Variants in NIN observed in about 807,000 individuals in gnomAD.
The protein encoded by NIN is ninein.
In NIN, 137 loss-of-function variants were observed where a neutral mutation model predicts 257.6. The ratio of observed to expected loss-of-function variants is 0.53; its 90% CI spans 0.46 to 0.61. The LOEUF is 0.61. NIN is among the 20% of genes least tolerant of loss of function. The pLI is 0.00. For synonymous variants in NIN, 918 were observed against 919.8 expected, an observed-to-expected ratio of 1.00 and a Z score of 0.04; for missense variants, 2,439 against 2,501.2, an observed-to-expected ratio of 0.98 and a Z score of 0.53.
Position 50,743,420 on chromosome 14 carries a change from T to TC in NIN, c.5296dup (p.Glu1766GlyfsTer23). Reference sequence around the variant, plus strand: ...AAACAAGAATTGTCCATGTACCTTTTCCTGAGAAGCCACCAGCTGTGACTT... The same window carrying TC: ...AAACAAGAATTGTCCATGTACCTTTTCCCTGAGAAGCCACCAGCTGTGACTT... On this transcript the variant is annotated frameshift_variant, in exon 24 of 31. Transcript: ENST00000530997. LOFTEE classifies it high-confidence loss of function. 2 of 1,600,492 alleles carry TC rather than the reference T, an allele frequency of 1.2e-6. No homozygotes were observed. Among genetic ancestry groups the TC allele is most frequent in the Non-Finnish European group, 1.7e-6 (2 of 1,167,622 alleles).
Position 50,756,906 on chromosome 14 carries a change from G to T in NIN, c.4124C>A (p.Pro1375His). 1 of 1,559,212 alleles carries T rather than the reference G, an allele frequency of 6.4e-7. No homozygotes were observed. Among genetic ancestry groups the T allele is most frequent in the Non-Finnish European group, 8.7e-7 (1 of 1,150,354 alleles). Residue 1375 changes from proline (P) to histidine (H), a missense_variant, in exon 18 of 31, where the codon CCC becomes CAC. Pro to His is a moderately conservative substitution (Grantham distance 77, BLOSUM62 -2). Coordinates refer to ENST00000530997, the MANE Select transcript of NIN (RefSeq NM_020921.4). ...QLNQTLEECV[P>H]RVRSVHHVIE... is the part of the protein sequence containing the mutation. ...GACATGATGTACACTCCTAACCCTGGGCACACACTCTTCCAGTGTCTGATT... is the reference window on the plus strand; with the variant it reads ...GACATGATGTACACTCCTAACCCTGTGCACACACTCTTCCAGTGTCTGATT...
chr14:50,723,825 C>T, intron 30 of NIN, 153 bp from the exon 31 acceptor site: 1 of 643,614 alleles, frequency 1.6e-6, no homozygotes, highest in Admixed American at 3.0e-5. Flanking sequence ...TAACATCAGA[C>T]TTGGCATCAG....
chr14:50,737,523 C>T (rs1392721596), intron 27 of NIN, among the ~76,000 whole-genome samples: 1 of 144,812 alleles, frequency 6.9e-6, no homozygotes, highest in Non-Finnish European at 1.5e-5. Flanking sequence ...AAAAAAAAGC[C>T]CATATTAAGA....
Position 50,766,345 on chromosome 14 carries a change from G to T in NIN, c.1597C>A (p.Leu533Met). The T allele has an allele frequency of 6.2e-7, 1 of 1,614,058 alleles. No homozygotes were observed. Among genetic ancestry groups the T allele is most frequent in the Non-Finnish European group, 8.5e-7 (1 of 1,179,984 alleles). Reference sequence around the variant, plus strand: ...TCATATTCATTTCTCATCTGTGTCAGTCTCTCTTCTTGCAGGAAGAACTCA... The same window carrying T: ...TCATATTCATTTCTCATCTGTGTCATTCTCTCTTCTTGCAGGAAGAACTCA... The part of the protein sequence containing the change: ...SAEFFLQEER[L>M]TQMRNEYERQ... The change falls in exon 14 of 31, where the codon CTG (leucine) becomes ATG (methionine). Residue 533 changes from leucine to methionine, a missense_variant. Leu to Met is a conservative substitution (Grantham distance 15, BLOSUM62 2). Coordinates refer to ENST00000530997, the MANE Select transcript of NIN (RefSeq NM_020921.4).
At chr14:50,739,066 G>C (rs1247157754) in intron 26 of NIN, among the ~76,000 whole-genome samples, 1 of 151,500 alleles carries the variant, frequency 6.6e-6, no homozygotes, top group African/African-American at 2.4e-5. Context: ...TCTATATTTT[G>C]GATATGAAGA....
At position 50,757,041 on chromosome 14, in the gene NIN, CCT is replaced by C; in HGVS notation, c.3987_3988del (p.Gly1330GlnfsTer3). On this transcript the variant is annotated frameshift_variant, in exon 18 of 31. Coordinates refer to ENST00000530997, the MANE Select transcript of NIN (RefSeq NM_020921.4). LOFTEE classifies it high-confidence loss of function. The stretch of plus-strand genomic sequence containing the variant: ...GCTTTCCTGAAGCTTCTCAATCTTG[CCT>C]TGAAGTCTCAAAACCAGAACATTCA... 2 of 1,613,556 alleles carry C rather than the reference CCT, an allele frequency of 1.2e-6. No individual in the cohort carries two copies. The highest frequency in any genetic ancestry group is 1.7e-6 in the Non-Finnish European group (2 of 1,179,814).
In NIN at chr14:50,761,937, C is replaced by G. The variant is rs12883882; in HGVS notation, c.1775-26G>C. On this transcript the variant is annotated intron_variant, in intron 15 of 30. Coordinates refer to ENST00000530997, the MANE Select transcript of NIN (RefSeq NM_020921.4). ...CTGAAAACACATGGGACTCATTGATCCTGCAGCAGGTTCTTTCAATAACAC... is the reference window on the plus strand; with the variant it reads ...CTGAAAACACATGGGACTCATTGATGCTGCAGCAGGTTCTTTCAATAACAC... 383,055 of 1,610,950 alleles carry G rather than the reference C, an allele frequency of 0.24. 47,564 individuals carry two copies. Among genetic ancestry groups the G allele is most frequent in the Non-Finnish European group, 0.25 (297,183 of 1,177,634 alleles).
At chr14:50,775,358 A>G (rs1456701973) in intron 7 of NIN, among the ~76,000 whole-genome samples, 3 of 152,186 alleles carry the variant, frequency 2.0e-5, no homozygotes, top group East Asian at 1.9e-4. Context: ...AGTTACAGGC[A>G]TAAGACAGTG....
In NIN at chr14:50,755,719, C is replaced by A. The variant is rs190552701; in HGVS notation, c.4538+773G>T. Among the ~76,000 whole-genome samples the A allele has an allele frequency of 2.0e-4, 25 of 127,784 alleles. No individual in the cohort carries two copies. The East Asian group carries it at 6.0e-3, about 31-fold the overall frequency. The allele number at this position is 127,784 out of a possible 152,430, so 83.8% of individuals were successfully genotyped here. A position where few individuals can be genotyped will look rare whatever the true frequency, so the allele number is the denominator to read the frequency against. On this transcript the variant is annotated intron_variant, in intron 18 of 30. Transcript: ENST00000530997. ...TCACTCTGTCACCCAGTCTGGAGTA[C>A]AATGGCATGATCATGGCTCACTGCA...
At chr14:50,801,542 C>T (rs748693402) in intron 4 of NIN, among the ~76,000 whole-genome samples, 2 of 152,202 alleles carry the variant, frequency 1.3e-5, no homozygotes, top group African/African-American at 4.8e-5. Context: ...GTAATATCTC[C>T]TAAAATCAGG....
chr14:50,798,177 G>C (rs1465831688), intron 4 of NIN, among the ~76,000 whole-genome samples: 1 of 152,110 alleles, frequency 6.6e-6, no homozygotes, highest in African/African-American at 2.4e-5. Context: ...TTTCCAATTA[G>C]CACCTCCCTC....
intron 25 of NIN, among the ~76,000 whole-genome samples, chr14:50,741,355 C>T (rs770766264): frequency 3.9e-5 from 6 of 152,106 alleles, no homozygotes; most frequent in Non-Finnish European, 7.4e-5. Flanking sequence ...GCAGAGGGTA[C>T]AAAAGTGGTT....
At chr14:50,727,345 A>C in intron 29 of NIN, 1 of 987,224 alleles carries the variant, frequency 1.0e-6, no homozygotes, top group Non-Finnish European at 1.2e-6. Flanking sequence ...CCATATATAA[A>C]AGTAGTACCT....
In NIN at chr14:50,817,912, C is replaced by T. The variant is rs2044990946; in HGVS notation, c.183+3962G>A. Among the ~76,000 whole-genome samples, 3 of 151,820 alleles carry T rather than the reference C, an allele frequency of 2.0e-5. No individual in the cohort carries two copies. The South Asian group carries it at 6.3e-4, about 32-fold the overall frequency. On this transcript the variant is annotated intron_variant, in intron 3 of 30. Transcript: ENST00000530997. ...TGTATTTTTAGCAGAGACAGGGTTTCACAGTGTTGCCCAGGCTGCTCTCGA... is the reference window on the plus strand; with the variant it reads ...TGTATTTTTAGCAGAGACAGGGTTTTACAGTGTTGCCCAGGCTGCTCTCGA...
At chr14:50,793,678 C>T (rs1299847365) in intron 4 of NIN, among the ~76,000 whole-genome samples, 2 of 152,118 alleles carry the variant, frequency 1.3e-5, no homozygotes, top group African/African-American at 4.8e-5. Flanking sequence ...CAACACTGAC[C>T]ACCTTCCCCG....
intron 26 of NIN, among the ~76,000 whole-genome samples, chr14:50,739,026 A>T (rs2041142433): frequency 6.6e-6 from 1 of 152,140 alleles, no homozygotes; most frequent in African/African-American, 2.4e-5. Context: ...GCCAATTTGA[A>T]GACTATATGG....
At chr14:50,751,846 T>C (rs932892801) in intron 21 of NIN, among the ~76,000 whole-genome samples, 8 of 152,182 alleles carry the variant, frequency 5.3e-5, no homozygotes, top group African/African-American at 1.9e-4. Context: ...CTTTTGTATA[T>C]GATTTATTTG....
chr14:50,802,265 A>G (rs2044134900), intron 4 of NIN, among the ~76,000 whole-genome samples: 1 of 152,226 alleles, frequency 6.6e-6, no homozygotes, highest in African/African-American at 2.4e-5. Flanking sequence ...CTGAATTTCA[A>G]TATTTTTCAC....
intron 27 of NIN, 66 bp from the exon 28 acceptor site, chr14:50,735,683 T>C: frequency 4.0e-6 from 6 of 1,517,670 alleles, no homozygotes; most frequent in Non-Finnish European, 4.4e-6. Context: ...TTCTACTTTA[T>C]TTTGACAAAT....
Sources: gnomAD v4.1 joint callset for allele counts (sites outside exome capture counted in the v4.1 genomes callset) on GRCh38, gnomAD v4.1.1 for gene constraint, MANE v1.5 for transcripts, NCBI Gene and HGNC (gene_info 2026-07-23, HGNC 2026-07-21) for gene names.